TYR: variants seen among roughly 807,000 people sequenced by gnomAD.
The protein encoded by TYR is tyrosinase.
In TYR, 58 loss-of-function variants were observed where a neutral mutation model predicts 51.5. That is an observed-to-expected ratio of 1.13 (90% CI 0.91 to 1.40). TYR has a LOEUF of 1.40. Ranked by LOEUF, TYR falls within the 40% of genes most tolerant of loss-of-function variation. The pLI, the probability that TYR is intolerant of heterozygous loss-of-function variation, is 0.00. For missense variants in TYR, 732 were observed against 647.4 expected, an observed-to-expected ratio of 1.13 and a Z score of -1.42; for synonymous variants, 263 against 235.2, an observed-to-expected ratio of 1.12 and a Z score of -1.08.
At chr11:89,248,193 G>A (rs1321356780) in intron 3 of TYR, among the ~76,000 whole-genome samples, 1 of 152,048 alleles carries the variant, frequency 6.6e-6, no homozygotes, top group Admixed American at 6.6e-5. Flanking sequence ...ATGTAACAAT[G>A]TTCTTAGCAC....
intron 3 of TYR, among the ~76,000 whole-genome samples, chr11:89,271,911 C>T (rs1944593031): frequency 6.6e-6 from 1 of 151,918 alleles, no homozygotes. Context: ...TGCAACCCCT[C>T]ATTCGTTCAA....
At chr11:89,214,056 C>T (rs1943798571) in intron 2 of TYR, among the ~76,000 whole-genome samples, 1 of 152,162 alleles carries the variant, frequency 6.6e-6, no homozygotes, top group Non-Finnish European at 1.5e-5. Flanking sequence ...ACACCAAAAG[C>T]AATGGCAACA....
rs113079284 is a variant in TYR, at chr11:89,214,640, T to C, written c.1037-13183T>C. ...GACTTGGAACCAACCCAAATGTCCA[T>C]CAATAATGGACAGGATAAAGCAAAT... On this transcript the variant is annotated intron_variant, in intron 2 of 4. Coordinates refer to ENST00000263321, the MANE Select transcript of TYR (RefSeq NM_000372.5). Among the ~76,000 whole-genome samples the C allele has an allele frequency of 1.4e-3, 211 of 152,166 alleles. 1 individual carries two copies. Among genetic ancestry groups the C allele is most frequent in the African/African-American group, 4.2e-3 (173 of 41,520 alleles).
chr11:89,295,055 A>G (rs1436871293), intron 4 of TYR, 88 bp from the exon 5 acceptor site: 3 of 1,569,682 alleles, frequency 1.9e-6, no homozygotes, highest in Non-Finnish European at 2.6e-6. Context: ...CCAGGTGTCT[A>G]CTCCAAAGGA....
intron 2 of TYR, among the ~76,000 whole-genome samples, chr11:89,193,657 G>T (rs1943477614): frequency 6.6e-6 from 1 of 152,072 alleles, no homozygotes; most frequent in Non-Finnish European, 1.5e-5. Context: ...CATGCCTGTT[G>T]TATGAAGTCC....
intron 3 of TYR, among the ~76,000 whole-genome samples, chr11:89,269,864 A>C (rs1422957919): frequency 6.6e-6 from 1 of 151,908 alleles, no homozygotes; most frequent in Non-Finnish European, 1.5e-5. Context: ...TCAGGAGGAA[A>C]TAGAGCTCCT....
chr11:89,264,429 T>C (rs1438577147), intron 3 of TYR, among the ~76,000 whole-genome samples: 4 of 151,882 alleles, frequency 2.6e-5, no homozygotes, highest in African/African-American at 4.8e-5. Flanking sequence ...ATTACATAGG[T>C]AAACTAATGT....
intron 2 of TYR, among the ~76,000 whole-genome samples, chr11:89,220,088 T>C (rs80232919): frequency 0.017 from 2,552 of 152,242 alleles, 63 homozygotes; most frequent in African/African-American, 0.057. Flanking sequence ...CTGCCACTTA[T>C]CTGCTTGTGG....
intron 2 of TYR, among the ~76,000 whole-genome samples, chr11:89,191,813 A>G (rs1011366232): frequency 3.3e-5 from 5 of 152,296 alleles, no homozygotes; most frequent in Non-Finnish European, 4.4e-5. Flanking sequence ...TTAGTGAAAT[A>G]TATGAATATA....
intron 4 of TYR, among the ~76,000 whole-genome samples, chr11:89,289,329 T>C (rs576462036): frequency 6.6e-6 from 1 of 152,168 alleles, no homozygotes; most frequent in East Asian, 1.9e-4. Flanking sequence ...CATGAATTTG[T>C]TCAATAGCTC....
intron 2 of TYR, among the ~76,000 whole-genome samples, chr11:89,213,108 G>GA (rs1273974492): frequency 3.3e-5 from 5 of 151,740 alleles, no homozygotes; most frequent in African/African-American, 1.2e-4. Flanking sequence ...GCAAGAGAAA[G>GA]AAAAAAAGGA....
chr11:89,253,969 A>G (rs1318704014), intron 3 of TYR, among the ~76,000 whole-genome samples: 1 of 151,710 alleles, frequency 6.6e-6, no homozygotes, highest in Non-Finnish European at 1.5e-5. Flanking sequence ...CTTGTCATAG[A>G]TAGGCTTTTA....
chr11:89,219,837 T>C (rs1189071655), intron 2 of TYR, among the ~76,000 whole-genome samples: 2 of 152,112 alleles, frequency 1.3e-5, no homozygotes, highest in African/African-American at 4.8e-5. Context: ...AGAACCAGCA[T>C]GATAGGGCCT....
In TYR at chr11:89,242,747, T is replaced by C. The variant is rs140185786; in HGVS notation, c.1184+14777T>C. 4.2e-3 allele frequency among the ~76,000 whole-genome samples: 640 copies of C among 152,324 alleles called. 4 individuals are homozygous for C. Among genetic ancestry groups the C allele is most frequent in the African/African-American group, 0.015 (612 of 41,578 alleles). The stretch of plus-strand genomic sequence containing the variant: ...TCCCTGGGAGTTCAGATAAATAATG[T>C]AGCTTTTTTGAGACTTATTTTCTTC... On this transcript the variant is annotated intron_variant, in intron 3 of 4. Transcript: ENST00000263321.
At chr11:89,197,712 A>G (rs1188914425) in intron 2 of TYR, among the ~76,000 whole-genome samples, 2 of 152,256 alleles carry the variant, frequency 1.3e-5, no homozygotes, top group East Asian at 3.9e-4. Flanking sequence ...GTTGGTTAGT[A>G]TACAGAATCA....
intron 2 of TYR, among the ~76,000 whole-genome samples, chr11:89,206,613 C>T (rs1943675537): frequency 1.3e-5 from 2 of 152,210 alleles, no homozygotes; most frequent in South Asian, 2.1e-4. Flanking sequence ...GAACTTAACA[C>T]CATCAGCCAG....
chr11:89,209,071 A>G (rs545871822), intron 2 of TYR, among the ~76,000 whole-genome samples: 4 of 152,262 alleles, frequency 2.6e-5, no homozygotes, highest in African/African-American at 7.2e-5. Context: ...TATCTGATTC[A>G]TCTCATTGGG....
intron 3 of TYR, among the ~76,000 whole-genome samples, chr11:89,240,027 T>TGTATACATC (rs1410034933): frequency 6.6e-6 from 1 of 152,168 alleles, no homozygotes; most frequent in Non-Finnish European, 1.5e-5. Flanking sequence ...TAGAATGTTC[T>TGTATACATC]GTATACATCT....
chr11:89,233,204 G>C (rs1944072907), intron 3 of TYR, among the ~76,000 whole-genome samples: 2 of 142,874 alleles, frequency 1.4e-5, no homozygotes, highest in Non-Finnish European at 3.0e-5. Context: ...TCCATCTCAA[G>C]AAACTACTTT....
Sources: gnomAD v4.1 joint callset for allele counts (sites outside exome capture counted in the v4.1 genomes callset) on GRCh38, gnomAD v4.1.1 for gene constraint, MANE v1.5 for transcripts, NCBI Gene and HGNC (gene_info 2026-07-23, HGNC 2026-07-21) for gene names.